Variants in CTNNA2 observed in about 807,000 individuals in gnomAD.
The protein encoded by CTNNA2 is catenin alpha 2.
A neutral mutation model predicts 101.0 loss-of-function variants in CTNNA2; 42 were observed. The ratio of observed to expected loss-of-function variants is 0.42; its 90% confidence interval spans 0.32 to 0.54. The LOEUF (loss-of-function observed/expected upper bound fraction) is 0.54. CTNNA2 is among the 20% of genes least tolerant of loss of function. CTNNA2 has a pLI of 0.14. For synonymous variants in CTNNA2, 450 were observed against 456.4 expected (o/e 0.99, Z 0.18); for missense variants, 871 against 1,223.1 (o/e 0.71, Z 4.29).
chr2:79,386,259 A>G (rs981472520), intron 4 of CTNNA2, among the ~76,000 whole-genome samples: 1 of 152,216 alleles, frequency 6.6e-6, no homozygotes, highest in African/African-American at 2.4e-5. Context: ...ACCTTTCAAA[A>G]TTACAATTCC....
At chr2:80,360,525 T>G (rs1220157126) in intron 7 of CTNNA2, among the ~76,000 whole-genome samples, 3 of 152,084 alleles carry the variant, frequency 2.0e-5, no homozygotes, top group Non-Finnish European at 4.4e-5. Flanking sequence ...AAGGAGAATT[T>G]CAACCACAGG....
chr2:80,313,452 A>G, intron 7 of CTNNA2: 1 of 1,508,496 alleles, frequency 6.6e-7, no homozygotes, highest in Non-Finnish European at 8.9e-7. Flanking sequence ...ATGAGTAACA[A>G]ACCAATATTA....
At chr2:80,265,098 C>T (rs934580543) in intron 7 of CTNNA2, among the ~76,000 whole-genome samples, 1 of 151,662 alleles carries the variant, frequency 6.6e-6, no homozygotes, top group Non-Finnish European at 1.5e-5. Context: ...GCTCAGCCTC[C>T]TGAGTAGCTG....
chr2:80,086,005 A>G (rs1001390584), intron 7 of CTNNA2, among the ~76,000 whole-genome samples: 4 of 152,192 alleles, frequency 2.6e-5, no homozygotes, highest in Non-Finnish European at 4.4e-5. Flanking sequence ...TAAATCACCT[A>G]TATGTGCAGA....
At chr2:79,274,689 T>C (rs1476205336) in intron 2 of CTNNA2, among the ~76,000 whole-genome samples, 1 of 152,080 alleles carries the variant, frequency 6.6e-6, no homozygotes, top group Non-Finnish European at 1.5e-5. Context: ...GGTTTCTCCA[T>C]ATATTATGTG....
intron 2 of CTNNA2, among the ~76,000 whole-genome samples, chr2:79,293,512 T>G (rs1423676631): frequency 1.3e-5 from 2 of 152,052 alleles, no homozygotes; most frequent in African/African-American, 4.8e-5. Context: ...ATAGTGCAAA[T>G]CAAATAAGTA....
chr2:80,598,777 A>G (rs983237431), intron 15 of CTNNA2, among the ~76,000 whole-genome samples: 1 of 152,214 alleles, frequency 6.6e-6, no homozygotes, highest in African/African-American at 2.4e-5. Flanking sequence ...GTTATCTCAA[A>G]TATTTCATAC....
intron 9 of CTNNA2, among the ~76,000 whole-genome samples, chr2:80,522,512 G>A (rs1481449856): frequency 1.3e-5 from 2 of 152,154 alleles, no homozygotes; most frequent in African/African-American, 2.4e-5. Context: ...TAAAGGTGAC[G>A]GGACTTTAAT....
intron 9 of CTNNA2, among the ~76,000 whole-genome samples, chr2:80,435,688 C>T (rs1172663042): frequency 1.3e-5 from 2 of 152,136 alleles, no homozygotes; most frequent in Non-Finnish European, 2.9e-5. Context: ...TTCATATCAC[C>T]CATAAAGTTG....
intron 2 of CTNNA2, among the ~76,000 whole-genome samples, chr2:79,213,926 C>T (rs539607754): frequency 1.4e-3 from 212 of 152,242 alleles, no homozygotes; most frequent in African/African-American, 4.6e-3. Flanking sequence ...CAGCGGCAGC[C>T]GCTGCACGCA....
chr2:80,152,844 G>T (rs1226255052), intron 7 of CTNNA2, among the ~76,000 whole-genome samples: 1 of 152,164 alleles, frequency 6.6e-6, no homozygotes, highest in Admixed American at 6.5e-5. Context: ...CTAGAGTTCA[G>T]AAATCTTTGG....
intron 1 of CTNNA2, among the ~76,000 whole-genome samples, chr2:79,590,503 G>T (rs1442205860): frequency 6.6e-6 from 1 of 152,076 alleles, no homozygotes; most frequent in East Asian, 1.9e-4. Flanking sequence ...CTTGCTGAAG[G>T]AATGACAGGG....
At chr2:79,537,112 C>T (rs945662040) in intron 1 of CTNNA2, among the ~76,000 whole-genome samples, 2 of 152,074 alleles carry the variant, frequency 1.3e-5, no homozygotes, top group African/African-American at 4.8e-5. Context: ...TTTATTTGCA[C>T]GTGGAGGGCT....
At chr2:79,367,694 A>T (rs552614606) in intron 3 of CTNNA2, among the ~76,000 whole-genome samples, 37 of 152,142 alleles carry the variant, frequency 2.4e-4, no homozygotes, top group Non-Finnish European at 4.4e-4. Context: ...CAGGCAAGAG[A>T]TGGGCTTTAG....
intron 7 of CTNNA2, among the ~76,000 whole-genome samples, chr2:80,128,091 G>A (rs1702232912): frequency 6.6e-6 from 1 of 151,928 alleles, no homozygotes; most frequent in Admixed American, 6.6e-5. Context: ...AAGAAGATAG[G>A]TTTTTGGGGA....
chr2:80,214,771 G>A (rs191270681), intron 7 of CTNNA2, among the ~76,000 whole-genome samples: 9 of 152,044 alleles, frequency 5.9e-5, no homozygotes, highest in South Asian at 2.1e-4. Context: ...TCTTTGTGGC[G>A]TTCTCTGTAT....
chr2:80,633,231 T>C (rs1386288339), intron 18 of CTNNA2, among the ~76,000 whole-genome samples: 1 of 152,226 alleles, frequency 6.6e-6, no homozygotes, highest in African/African-American at 2.4e-5. Context: ...TTTTAAATTT[T>C]TTGATAAATA....
At chr2:79,967,119 T>A (rs199639519) in intron 7 of CTNNA2, among the ~76,000 whole-genome samples, 1 of 84,958 alleles carries the variant, frequency 1.2e-5, no homozygotes, top group Non-Finnish European at 2.3e-5. Flanking sequence ...CGCACGCACG[T>A]GTGTGTGTGT....
At chr2:79,805,764 C>T (rs1232893842) in intron 3 of CTNNA2, among the ~76,000 whole-genome samples, 6 of 151,938 alleles carry the variant, frequency 3.9e-5, no homozygotes, top group East Asian at 1.9e-4. Flanking sequence ...AGTGAAACCC[C>T]GTTTCTACTA....
Sources: allele counts gnomAD v4.1 joint callset (sites outside exome capture counted in the v4.1 genomes callset), GRCh38; gene constraint gnomAD v4.1.1; transcripts MANE v1.5; gene names NCBI Gene and HGNC (gene_info 2026-07-23, HGNC 2026-07-21).